CMYA5: variants seen among roughly 807,000 people sequenced by gnomAD.
The protein encoded by CMYA5 is cardiomyopathy-associated protein 5.
Under a neutral mutation model 318.9 loss-of-function variants are expected in CMYA5, and 246 were observed. The observed-to-expected ratio is 0.77, with a 90% CI of 0.70 to 0.86. The LOEUF (loss-of-function observed/expected upper bound fraction) is 0.86, where lower values mean the gene tolerates loss of function less well. Among genes scored for constraint, CMYA5 ranks in the 40% least tolerant of loss-of-function variants. The pLI, the probability that CMYA5 is intolerant of heterozygous loss-of-function variation, is 0.00. For missense variants in CMYA5, 4,589 were observed against 4,678.2 expected, an observed-to-expected ratio of 0.98 and a Z score of 0.56; for synonymous variants, 1,641 against 1,729.5, an observed-to-expected ratio of 0.95 and a Z score of 1.27.
chr5:79,785,665 C>T (rs2151099436), intron 9 of CMYA5, among the ~76,000 whole-genome samples: 1 of 152,106 alleles, frequency 6.6e-6, no homozygotes, highest in Middle Eastern at 3.4e-3. Flanking sequence ...AAGAGTTTTT[C>T]AACTGATTTT....
Position 79,799,633 on chromosome 5 carries a change from T to TTGGC in CMYA5, c.*18_*19insGGCT. On this transcript the variant is annotated 3_prime_UTR_variant, in exon 13 of 13. Coordinates refer to ENST00000446378, the MANE Select transcript of CMYA5 (RefSeq NM_153610.5). ...CACAAGTGATCCTTGGCTTTCAGAATTTGCAAGAACAGCGATTTGAATTTT... is the reference window on the plus strand; with the variant it reads ...CACAAGTGATCCTTGGCTTTCAGAATTGGCTTGCAAGAACAGCGATTTGAATTTT... 6.3e-7 allele frequency: 1 copy of TTGGC among 1,597,796 alleles called. No individual in the cohort carries two copies. Among genetic ancestry groups the TTGGC allele is most frequent in the Non-Finnish European group, 8.6e-7 (1 of 1,168,748 alleles).
At chr5:79,771,084 A>C (rs946033263) in intron 9 of CMYA5, among the ~76,000 whole-genome samples, 1 of 152,074 alleles carries the variant, frequency 6.6e-6, no homozygotes, top group African/African-American at 2.4e-5. Flanking sequence ...AAAAAAAAAA[A>C]AACCAGACTT....
At position 79,731,016 on chromosome 5, in the gene CMYA5, G is replaced by T. The variant is rs748803675; in HGVS notation, c.2251G>T (p.Glu751Ter). 6.2e-7 allele frequency: 1 copy of T among 1,613,998 alleles called. No homozygotes were observed. The highest frequency in any genetic ancestry group is 8.5e-7 in the Non-Finnish European group (1 of 1,179,896). Residue 751 changes from glutamate to a stop codon, truncating the protein, a stop_gained, in exon 2 of 13, where the codon GAG (glutamate) becomes TAG (stop). Transcript: ENST00000446378. LOFTEE classifies it high-confidence loss of function. ...TACTCCAGCTGTGGCCCCTGCTTCT[G>T]AGCCCTCTCTCTCACCATCCACAAC... is the stretch of plus-strand genomic sequence containing the variant. ...SFTPAVAPAS[E>*]PSLSPSTTEK...
At chr5:79,767,280 G>A (rs1283237224) in intron 9 of CMYA5, among the ~76,000 whole-genome samples, 4 of 152,022 alleles carry the variant, frequency 2.6e-5, no homozygotes, top group African/African-American at 4.8e-5. Context: ...TTTTTGAAGG[G>A]TTTTTTCATG....
intron 1 of CMYA5, among the ~76,000 whole-genome samples, chr5:79,703,488 A>G (rs1281247662): frequency 6.6e-6 from 1 of 152,226 alleles, no homozygotes; most frequent in Non-Finnish European, 1.5e-5. Flanking sequence ...TTGAGATCGT[A>G]TCACTGTTTG....
rs878967030 is a variant in CMYA5, at chr5:79,729,016, C to T, written c.251C>T (p.Thr84Ile). ...GTCCAAAGGGAAGATAGTGGGATAACCTGGGAAACCAATTCAAGTAGATCT... is the reference window on the plus strand; with the variant it reads ...GTCCAAAGGGAAGATAGTGGGATAATCTGGGAAACCAATTCAAGTAGATCT... ...VTVQREDSGI[T>I]WETNSSRSST... Residue 84 changes from threonine (T) to isoleucine (I), a missense_variant, in exon 2 of 13, where the codon ACC (threonine) becomes ATC (isoleucine). Thr to Ile is a moderately conservative substitution (Grantham distance 89). This residue lies in a region of CMYA5 where 2,132 missense variants were observed against 2,131.3 expected (regional missense o/e 1.00). Coordinates refer to ENST00000446378, the MANE Select transcript of CMYA5 (RefSeq NM_153610.5). 6.2e-7 allele frequency: 1 copy of T among 1,613,902 alleles called. No individual in the cohort carries two copies. The highest frequency in any genetic ancestry group is 2.2e-5 in the East Asian group (1 of 44,880).
Position 79,734,125 on chromosome 5 carries a change from T to G in CMYA5, c.5360T>G (p.Leu1787Ter), listed in dbSNP as rs1735482911. The change falls in exon 2 of 13, where the codon TTA becomes TGA. Residue 1787 changes from leucine to a stop codon, truncating the protein, a stop_gained. Transcript: ENST00000446378. LOFTEE classifies it high-confidence loss of function. ...NLKAQVMGDI[L>*]DKLSEETGHP... ...AAGGCACAAGTCATGGGAGATATTT[T>G]AGATAAGCTAAGTGAAGAAACAGGC... The G allele has an allele frequency of 6.2e-7, 1 of 1,613,614 alleles. No individual in the cohort carries two copies. Among genetic ancestry groups the G allele is most frequent in the Admixed American group, 1.7e-5 (1 of 59,962 alleles).
chr5:79,753,275 T>A (rs890514027), intron 6 of CMYA5, among the ~76,000 whole-genome samples: 17 of 152,174 alleles, frequency 1.1e-4, no homozygotes, highest in African/African-American at 4.1e-4. Flanking sequence ...CTCAGCACCA[T>A]GGTCTGTAGC....
chr5:79,714,435 T>TTCTTTTTG (rs1198502450), intron 1 of CMYA5, among the ~76,000 whole-genome samples: 1 of 138,108 alleles, frequency 7.2e-6, no homozygotes, highest in Non-Finnish European at 1.6e-5. Flanking sequence ...CTTTTTCTTT[T>TTCTTTTTG]TTTTTTTTTT....
Position 79,763,214 on chromosome 5 carries a change from G to A in CMYA5, c.11555+5G>A, listed in dbSNP as rs1561223634. ...TCCTGAGGGAGAGGGCCTCAGGTGA[G>A]GGGCCCTCTCCATGGGAGAGACTGC... On this transcript the variant is annotated splice_donor_5th_base_variant and intron_variant, in intron 9 of 12. Transcript: ENST00000446378. 1 of 1,594,624 alleles carries A rather than the reference G, an allele frequency of 6.3e-7. No individual in the cohort carries two copies. Among genetic ancestry groups the A allele is most frequent in the Non-Finnish European group, 8.5e-7 (1 of 1,172,300 alleles).
intron 9 of CMYA5, among the ~76,000 whole-genome samples, chr5:79,776,435 G>A (rs1388324158): frequency 6.6e-6 from 1 of 152,102 alleles, no homozygotes; most frequent in African/African-American, 2.4e-5. Flanking sequence ...CACAGCCATG[G>A]CTATTCAGTT....
At chr5:79,765,764 A>T (rs958628184) in intron 9 of CMYA5, among the ~76,000 whole-genome samples, 17 of 152,128 alleles carry the variant, frequency 1.1e-4, no homozygotes, top group Non-Finnish European at 2.1e-4. Context: ...GGGAATGGGC[A>T]TTCACTCATG....
chr5:79,731,422 A>G lies in CMYA5; in HGVS notation c.2657A>G (p.Glu886Gly), dbSNP rs779393319. Residue 886 changes from glutamate to glycine, a missense_variant, in exon 2 of 13, where the codon GAG (glutamate) becomes GGG (glycine). Around this residue, in one of 3 missense-constraint regions of CMYA5, gnomAD observed 2,132 missense variants for 2,131.3 expected, o/e 1.00. Transcript: ENST00000446378. Reference sequence around the variant, plus strand: ...GAATATGTTGTTCTATCAGACGAAGAGGCAGTCGAGTTGGAACGATACACA... The same window carrying G: ...GAATATGTTGTTCTATCAGACGAAGGGGCAGTCGAGTTGGAACGATACACA... ...PSEYVVLSDE[E>G]AVELERYTPS... is the part of the protein sequence containing the mutation. 2.9e-5 allele frequency: 47 copies of G among 1,613,508 alleles called. No homozygotes were observed. Among genetic ancestry groups the G allele is most frequent in the Admixed American group, 5.0e-5 (3 of 59,962 alleles).
At position 79,734,245 on chromosome 5, in the gene CMYA5, C is replaced by T. The variant is rs780931905; in HGVS notation, c.5480C>T (p.Ala1827Val). Residue 1827 changes from alanine (A) to valine (V), a missense_variant, in exon 2 of 13, where the codon GCA (alanine) becomes GTA (valine). By Grantham distance (64) the Ala-to-Val change is moderately conservative (BLOSUM62 0). This residue lies in a region of CMYA5 where 2,132 missense variants were observed against 2,131.3 expected (regional missense o/e 1.00). Coordinates refer to ENST00000446378, the MANE Select transcript of CMYA5 (RefSeq NM_153610.5). Reference protein sequence around the residue: ...LLVEQKKTEKALHSDQTVKLP... With the variant: ...LLVEQKKTEKVLHSDQTVKLP... ...GTAGAACAAAAAAAGACAGAAAAAG[C>T]ACTTCATTCAGATCAAACTGTTAAA... 7 of 1,613,542 alleles carry T rather than the reference C, an allele frequency of 4.3e-6. No homozygotes were observed. The Admixed American group carries it at 1.2e-4, about 27-fold the overall frequency.
At chr5:79,786,251 G>A (rs1191837556) in intron 9 of CMYA5, among the ~76,000 whole-genome samples, 1 of 152,186 alleles carries the variant, frequency 6.6e-6, no homozygotes, top group Non-Finnish European at 1.5e-5. Context: ...TAGGTGCTGC[G>A]CTGCTCACTG....
Position 79,750,635 on chromosome 5 carries a change from G to A in CMYA5, c.10992-2041G>A, listed in dbSNP as rs78350221. On this transcript the variant is annotated intron_variant, in intron 5 of 12. Coordinates refer to ENST00000446378, the MANE Select transcript of CMYA5 (RefSeq NM_153610.5). Reference sequence around the variant, plus strand: ...TCAACACTAAAAATGCTTAAATTAAGGAATGCTGTCAAGCATATTTAGACT... The same window carrying A: ...TCAACACTAAAAATGCTTAAATTAAAGAATGCTGTCAAGCATATTTAGACT... Among the ~76,000 whole-genome samples the A allele has an allele frequency of 2.5e-3, 377 of 152,254 alleles. 2 individuals carry two copies. Among genetic ancestry groups the A allele is most frequent in the African/African-American group, 8.5e-3 (353 of 41,546 alleles).
At position 79,734,616 on chromosome 5, in the gene CMYA5, G is replaced by A; in HGVS notation, c.5851G>A (p.Ala1951Thr). The A allele has an allele frequency of 6.2e-7, 1 of 1,613,878 alleles. No individual in the cohort carries two copies. Among genetic ancestry groups the A allele is most frequent in the South Asian group, 1.1e-5 (1 of 91,082 alleles). Residue 1951 changes from alanine (A) to threonine (T), a missense_variant, in exon 2 of 13, where the codon GCT becomes ACT. Ala to Thr is a moderately conservative substitution (Grantham distance 58). Around this residue, in one of 3 missense-constraint regions of CMYA5, gnomAD observed 2,431 missense variants for 2,495.1 expected, o/e 0.97. Coordinates refer to ENST00000446378, the MANE Select transcript of CMYA5 (RefSeq NM_153610.5). ...EVRKQVLPHS[A>T]EESHLSSQEA... ...GAGAAAGCAGGTCCTGCCGCATTCT[G>A]CTGAAGAATCTCATTTGTCATCACA...
chr5:79,717,248 A>G (rs564689017), intron 1 of CMYA5, among the ~76,000 whole-genome samples: 2 of 152,340 alleles, frequency 1.3e-5, no homozygotes, highest in South Asian at 4.1e-4. Context: ...GTACAAAAGT[A>G]AAAGAGCTGT....
intron 1 of CMYA5, among the ~76,000 whole-genome samples, chr5:79,695,202 A>G (rs1163770364): frequency 1.3e-5 from 2 of 152,248 alleles, no homozygotes; most frequent in Admixed American, 6.5e-5. Flanking sequence ...AAGAGAATCA[A>G]GTACAAGAGA....
Sources: allele counts gnomAD v4.1 joint callset (sites outside exome capture counted in the v4.1 genomes callset), GRCh38; gene constraint gnomAD v4.1.1; regional missense constraint gnomAD v4.1.1; transcripts MANE v1.5; gene names NCBI Gene and HGNC (gene_info 2026-07-23, HGNC 2026-07-21).